HSD17B6: variants seen among roughly 807,000 people sequenced by gnomAD.
HSD17B6 encodes the protein hydroxysteroid 17-beta dehydrogenase 6, also known as 17-beta-hydroxysteroid dehydrogenase type 6.
HSD17B6 carries 16 observed loss-of-function variants against 26.4 expected under a neutral mutation model. That is an observed-to-expected ratio of 0.61 (90% CI 0.41 to 0.92). HSD17B6 has a LOEUF of 0.92. Among genes scored for constraint, HSD17B6 ranks in the 40% least tolerant of loss-of-function variants. The pLI, the probability that HSD17B6 is intolerant of heterozygous loss-of-function variation, is 0.00. For missense variants in HSD17B6, 357 were observed against 386.1 expected (o/e 0.92, Z 0.63); for synonymous variants, 139 against 153.0 (o/e 0.91, Z 0.68).
At chr12:56,784,672 A>G (rs1295494214) in intron 3 of HSD17B6, among the ~76,000 whole-genome samples, 181 bp from the exon 4 acceptor site, 1 of 152,136 alleles carries the variant, frequency 6.6e-6, no homozygotes, top group Non-Finnish European at 1.5e-5. Context: ...CCATGGAAAG[A>G]GAGGGAGAGG....
At chr12:56,780,574 G>A (rs974819328) in intron 2 of HSD17B6, among the ~76,000 whole-genome samples, 2 of 151,952 alleles carry the variant, frequency 1.3e-5, no homozygotes, top group South Asian at 2.1e-4. Flanking sequence ...AAAGTTCTAA[G>A]TGAGGCCGGG....
chr12:56,780,388 G>A (rs1954687800), intron 2 of HSD17B6, among the ~76,000 whole-genome samples: 1 of 152,200 alleles, frequency 6.6e-6, no homozygotes, highest in Non-Finnish European at 1.5e-5. Flanking sequence ...TGTACTTTAT[G>A]TTCTTAGCTC....
intron 1 of HSD17B6, 54 bp from the exon 2 acceptor site, chr12:56,773,780 G>A: frequency 6.9e-7 from 1 of 1,459,700 alleles, no homozygotes; most frequent in Non-Finnish European, 9.2e-7. Flanking sequence ...ATACTGAATA[G>A]ATATATTGGT....
intron 1 of HSD17B6, among the ~76,000 whole-genome samples, chr12:56,764,384 G>A (rs1954276940): frequency 6.6e-6 from 1 of 152,122 alleles, no homozygotes; most frequent in Non-Finnish European, 1.5e-5. Flanking sequence ...TGAGACAGAA[G>A]GAAGTTAAGG....
chr12:56,771,448 A>ATTTTTTTTTT (rs35374137), intron 1 of HSD17B6, among the ~76,000 whole-genome samples: 1 of 93,328 alleles, frequency 1.1e-5, no homozygotes, highest in African/African-American at 3.9e-5. Flanking sequence ...AAGGGTTGCA[A>ATTTTTTTTTT]TTTTTTTTTT....
In HSD17B6 at chr12:56,787,380, A is replaced by T; in HGVS notation, c.*38A>T. On this transcript the variant is annotated 3_prime_UTR_variant, in exon 5 of 5. Transcript: ENST00000322165. ...TGGTGCTTCTTGGAATGAAGGCAAA[A>T]ATCTGAAATTGTTAGTGTCTCAGTA... The T allele has an allele frequency of 7.1e-7, 1 of 1,401,414 alleles. No homozygotes were observed. Among genetic ancestry groups the T allele is most frequent in the Non-Finnish European group, 1.0e-6 (1 of 999,194 alleles). 86.8% of individuals were successfully genotyped at this position (1,401,414 alleles called of 1,614,324 possible). A position where few individuals can be genotyped will look rare whatever the true frequency, so the allele number is the denominator to read the frequency against.
chr12:56,768,428 G>T (rs550448274), intron 1 of HSD17B6, among the ~76,000 whole-genome samples: 5 of 152,090 alleles, frequency 3.3e-5, no homozygotes, highest in Non-Finnish European at 5.9e-5. Flanking sequence ...TATTAAAGGG[G>T]TGGCAGGTTA....
At chr12:56,784,020 G>A (rs553746971) in intron 3 of HSD17B6, among the ~76,000 whole-genome samples, 105 of 151,400 alleles carry the variant, frequency 6.9e-4, no homozygotes, top group African/African-American at 2.4e-3. Context: ...GGGCCGAGGC[G>A]CTCCTCACAT....
chr12:56,772,112 C>T (rs571388115), intron 1 of HSD17B6, among the ~76,000 whole-genome samples: 3 of 152,086 alleles, frequency 2.0e-5, no homozygotes, highest in Non-Finnish European at 4.4e-5. Flanking sequence ...TGTGTGAAAA[C>T]GGACTAGTAC....
At chr12:56,776,142 C>T (rs1362995801) in intron 2 of HSD17B6, among the ~76,000 whole-genome samples, 1 of 151,946 alleles carries the variant, frequency 6.6e-6, no homozygotes, top group African/African-American at 2.4e-5. Context: ...GCCAGGCTTG[C>T]CTCGAACTCC....
At chr12:56,768,038 A>G (rs1480247288) in intron 1 of HSD17B6, among the ~76,000 whole-genome samples, 2 of 151,770 alleles carry the variant, frequency 1.3e-5, no homozygotes, top group Non-Finnish European at 2.9e-5. Context: ...ATAACTGTTC[A>G]CTATTATTAT....
chr12:56,767,716 TAC>T (rs1050173752), intron 1 of HSD17B6, among the ~76,000 whole-genome samples: 41 of 145,110 alleles, frequency 2.8e-4, no homozygotes, highest in African/African-American at 8.3e-4. Flanking sequence ...TACACATATA[TAC>T]ACACATATAT....
chr12:56,776,779 A>C (rs1183309188), intron 2 of HSD17B6, among the ~76,000 whole-genome samples: 2 of 152,072 alleles, frequency 1.3e-5, no homozygotes, highest in East Asian at 3.9e-4. Context: ...AGCCTCCCAA[A>C]ATGCTGGAAT....
chr12:56,778,934 C>G (rs1421591152), intron 2 of HSD17B6, among the ~76,000 whole-genome samples: 2 of 151,920 alleles, frequency 1.3e-5, no homozygotes, highest in Admixed American at 1.3e-4. Context: ...CTTGGCCTGC[C>G]GAAGTGCTGG....
intron 1 of HSD17B6, among the ~76,000 whole-genome samples, chr12:56,770,702 T>C (rs2137902277): frequency 6.6e-6 from 1 of 152,196 alleles, no homozygotes; most frequent in Non-Finnish European, 1.5e-5. Flanking sequence ...AGTCTAAAAA[T>C]GGGGAAGAGC....
intron 1 of HSD17B6, among the ~76,000 whole-genome samples, chr12:56,769,103 G>GTTT (rs35174136): frequency 6.9e-5 from 9 of 130,040 alleles, no homozygotes; most frequent in East Asian, 4.6e-4. Context: ...GCTTTTCAAG[G>GTTT]TTTTTTTTTT....
chr12:56,783,529 C>T (rs1332489280), intron 3 of HSD17B6, among the ~76,000 whole-genome samples: 1 of 142,036 alleles, frequency 7.0e-6, no homozygotes, highest in Non-Finnish European at 1.5e-5. Context: ...GGGCGGCCGG[C>T]CGGGCGGGGG....
intron 2 of HSD17B6, among the ~76,000 whole-genome samples, chr12:56,779,319 T>C (rs982771092): frequency 3.6e-4 from 54 of 152,004 alleles, no homozygotes; most frequent in Non-Finnish European, 7.5e-4. Flanking sequence ...TAAAAAAGTT[T>C]TGTAGAGTGG....
chr12:56,775,416 C>T (rs950296294), intron 2 of HSD17B6, among the ~76,000 whole-genome samples: 3 of 151,980 alleles, frequency 2.0e-5, no homozygotes, highest in African/African-American at 4.8e-5. Context: ...AGCAGAAACA[C>T]GGTCTTGGTA....
Sources: gnomAD v4.1 joint callset for allele counts (sites outside exome capture counted in the v4.1 genomes callset) on GRCh38, gnomAD v4.1.1 for gene constraint, MANE v1.5 for transcripts, NCBI Gene and HGNC (gene_info 2026-07-23, HGNC 2026-07-21) for gene names.